Variants in DLGAP1 observed in about 807,000 individuals in gnomAD.
DLGAP1 encodes DLG associated protein 1.
Under a neutral mutation model 90.8 loss-of-function variants are expected in DLGAP1, and 11 were observed. That is an observed-to-expected ratio of 0.12 (90% CI 0.08 to 0.20). The LOEUF is 0.20. Ranked by LOEUF, DLGAP1 falls within the 10% of genes least tolerant of loss-of-function variation. DLGAP1 has a pLI of 1.00. For synonymous variants in DLGAP1, 558 were observed against 540.7 expected, an observed-to-expected ratio of 1.03 and a Z score of -0.44; for missense variants, 1,050 against 1,333.8, an observed-to-expected ratio of 0.79 and a Z score of 3.31.
At chr18:3,862,458 A>G (rs2070127482) in intron 4 of DLGAP1, among the ~76,000 whole-genome samples, 1 of 152,252 alleles carries the variant, frequency 6.6e-6, no homozygotes, top group Non-Finnish European at 1.5e-5. Flanking sequence ...ACTACCGCCC[A>G]AAACTCAGCG....
chr18:3,998,670 T>C (rs925697821), intron 3 of DLGAP1, among the ~76,000 whole-genome samples: 5 of 152,188 alleles, frequency 3.3e-5, no homozygotes, highest in Non-Finnish European at 4.4e-5. Flanking sequence ...CAAATTCAAG[T>C]AGAGGACTTT....
At chr18:4,151,431 G>A (rs1255446699) in intron 1 of DLGAP1, 144 bp from the exon 2 acceptor site, 2 of 151,994 alleles carry the variant, frequency 1.3e-5, no homozygotes, top group Non-Finnish European at 1.5e-5. Context: ...CTACATGGCC[G>A]TGTTCTTGCA....
At chr18:4,226,066 T>C (rs938183725) in intron 1 of DLGAP1, among the ~76,000 whole-genome samples, 11 of 152,064 alleles carry the variant, frequency 7.2e-5, no homozygotes, top group Admixed American at 5.9e-4. Flanking sequence ...CCAAATAACA[T>C]ACAATGAAAC....
At chr18:3,597,528 G>T (rs902149828) in intron 7 of DLGAP1, 1 of 309,838 alleles carries the variant, frequency 3.2e-6, no homozygotes, top group Non-Finnish European at 6.2e-6. Context: ...TGAGAGTCCG[G>T]TCAGGCTGAG....
chr18:3,700,745 G>C (rs1182463108), intron 7 of DLGAP1, among the ~76,000 whole-genome samples: 2 of 152,024 alleles, frequency 1.3e-5, no homozygotes, highest in Non-Finnish European at 2.9e-5. Context: ...GAGTAGCTGG[G>C]ACTACAGGCG....
chr18:4,054,687 A>C (rs1020659530), intron 2 of DLGAP1, among the ~76,000 whole-genome samples: 1 of 152,228 alleles, frequency 6.6e-6, no homozygotes, highest in Non-Finnish European at 1.5e-5. Context: ...CCAAGATGAC[A>C]ATGCTACAGG....
At chr18:3,853,112 T>C (rs553125300) in intron 4 of DLGAP1, among the ~76,000 whole-genome samples, 27 of 152,214 alleles carry the variant, frequency 1.8e-4, no homozygotes, top group African/African-American at 5.8e-4. Context: ...TAGGGTCTGG[T>C]CTTTTTCTGA....
chr18:4,240,129 A>C (rs557993676), intron 1 of DLGAP1, among the ~76,000 whole-genome samples: 2 of 152,202 alleles, frequency 1.3e-5, no homozygotes, highest in Non-Finnish European at 2.9e-5. Context: ...TTTCAGATTC[A>C]AATAGTTGTT....
intron 1 of DLGAP1, among the ~76,000 whole-genome samples, chr18:4,312,789 A>C (rs2080432944): frequency 6.6e-6 from 1 of 152,202 alleles, no homozygotes; most frequent in South Asian, 2.1e-4. Context: ...AAAGTACAGA[A>C]ATAACAGATT....
At chr18:3,635,181 A>G (rs925672484) in intron 7 of DLGAP1, among the ~76,000 whole-genome samples, 1 of 147,344 alleles carries the variant, frequency 6.8e-6, no homozygotes, top group Non-Finnish European at 1.5e-5. Flanking sequence ...CCCAGGCTGG[A>G]GTGCAGTGGC....
intron 10 of DLGAP1, among the ~76,000 whole-genome samples, chr18:3,523,649 C>A (rs181128664): frequency 5.9e-5 from 9 of 151,808 alleles, no homozygotes; most frequent in African/African-American, 2.2e-4. Context: ...AGATCGAGAC[C>A]ATCCTGGCTA....
intron 5 of DLGAP1, among the ~76,000 whole-genome samples, chr18:3,779,328 G>A (rs1485173024): frequency 6.6e-6 from 1 of 152,084 alleles, no homozygotes; most frequent in Non-Finnish European, 1.5e-5. Context: ...CTCCCACCTT[G>A]GCCTCCCAAA....
intron 7 of DLGAP1, among the ~76,000 whole-genome samples, chr18:3,693,099 T>C (rs1458003833): frequency 6.6e-6 from 1 of 152,200 alleles, no homozygotes; most frequent in African/African-American, 2.4e-5. Context: ...CTATATTTTC[T>C]TTTTCAGAGA....
At chr18:3,748,617 G>T (rs892593101) in intron 5 of DLGAP1, among the ~76,000 whole-genome samples, 4 of 152,230 alleles carry the variant, frequency 2.6e-5, no homozygotes, top group Non-Finnish European at 4.4e-5. Flanking sequence ...GCCTCAGGAG[G>T]TTAATCTAAC....
At chr18:4,004,868 A>G (rs1568346365) in intron 3 of DLGAP1, among the ~76,000 whole-genome samples, 1 of 151,898 alleles carries the variant, frequency 6.6e-6, no homozygotes, top group Non-Finnish European at 1.5e-5. Flanking sequence ...GGTTCCATAA[A>G]AAAGTCAGTT....
intron 1 of DLGAP1, among the ~76,000 whole-genome samples, chr18:4,275,641 C>T (rs1169157111): frequency 6.6e-6 from 1 of 150,732 alleles, no homozygotes; most frequent in Admixed American, 6.6e-5. Context: ...ATGCCCAAAA[C>T]TGAGCATGGC....
intron 1 of DLGAP1, among the ~76,000 whole-genome samples, chr18:4,171,541 G>C (rs1598536821): frequency 1.4e-5 from 2 of 147,396 alleles, no homozygotes; most frequent in Admixed American, 1.4e-4. Context: ...CTCCAGCCTG[G>C]AAGACAGAGC....
At chr18:3,704,169 G>A (rs747263968) in intron 7 of DLGAP1, among the ~76,000 whole-genome samples, 2 of 152,240 alleles carry the variant, frequency 1.3e-5, no homozygotes, top group Non-Finnish European at 2.9e-5. Flanking sequence ...GGGAAGGGCT[G>A]AGTGCCACAT....
chr18:3,751,308 T>A (rs1385512679), intron 5 of DLGAP1, among the ~76,000 whole-genome samples: 4 of 152,180 alleles, frequency 2.6e-5, no homozygotes, highest in Non-Finnish European at 4.4e-5. Context: ...CTTTCTTTTT[T>A]CTTTTTGAGT....
Sources: allele counts gnomAD v4.1 joint callset (sites outside exome capture counted in the v4.1 genomes callset), GRCh38; gene constraint gnomAD v4.1.1; transcripts MANE v1.5; gene names NCBI Gene and HGNC (gene_info 2026-07-23, HGNC 2026-07-21).